The following AP4E1 variants were observed in gnomAD, a reference collection of about 807,000 sequenced individuals.
AP4E1 encodes AP-4 complex subunit epsilon-1.
A neutral mutation model predicts 128.2 loss-of-function variants in AP4E1; 56 were observed. The observed-to-expected ratio is 0.44, with a 90% confidence interval of 0.35 to 0.55. AP4E1 has a LOEUF of 0.55. Ranked by LOEUF, AP4E1 falls within the 20% of genes least tolerant of loss-of-function variation. The pLI, the probability that AP4E1 is intolerant of heterozygous loss-of-function variation, is 0.00. For missense variants in AP4E1, 1,324 were observed against 1,307.7 expected, an observed-to-expected ratio of 1.01 and a Z score of -0.19; for synonymous variants, 484 against 473.1, an observed-to-expected ratio of 1.02 and a Z score of -0.30.
chr15:50,997,464 G>T lies in AP4E1; in HGVS notation c.2485G>T (p.Asp829Tyr), dbSNP rs201839139. The T allele has an allele frequency of 1.2e-6, 2 of 1,613,962 alleles. No homozygotes were observed. Among genetic ancestry groups the T allele is most frequent in the African/African-American group, 1.3e-5 (1 of 75,034 alleles). Residue 829 changes from aspartate (D) to tyrosine (Y), a missense_variant, in exon 18 of 21, where the codon GAT becomes TAT. Physicochemically the swap from Asp to Tyr is radical, Grantham distance 160. Coordinates refer to ENST00000261842, the MANE Select transcript of AP4E1 (RefSeq NM_007347.5). Reference protein sequence around the residue: ...SSLSNVAYEDDYYSNTLHDTG... With the variant: ...SSLSNVAYEDYYYSNTLHDTG... ...TTTGTCAAATGTGGCATATGAAGAT[G>T]ATTATTATTCGAATACTTTGCACGA...
At chr15:50,969,005 C>CT (rs1415913677) in intron 15 of AP4E1, among the ~76,000 whole-genome samples, 7 of 148,096 alleles carry the variant, frequency 4.7e-5, no homozygotes, top group South Asian at 2.1e-4. Context: ...TTTTCTTCTT[C>CT]TTTTTTTTTA....
intron 4 of AP4E1, among the ~76,000 whole-genome samples, chr15:50,924,595 A>G (rs1436457806): frequency 6.6e-6 from 1 of 152,160 alleles, no homozygotes; most frequent in Non-Finnish European, 1.5e-5. Flanking sequence ...GTCATATACT[A>G]TATTAAGGTT....
chr15:50,939,550 A>G (rs753285459), intron 8 of AP4E1, among the ~76,000 whole-genome samples: 8 of 152,226 alleles, frequency 5.3e-5, no homozygotes, highest in Admixed American at 6.5e-5. Context: ...GAATAAAATG[A>G]CTTAGCTCTG....
chr15:50,963,043 C>T (rs2064337941), intron 14 of AP4E1, among the ~76,000 whole-genome samples: 1 of 151,798 alleles, frequency 6.6e-6, no homozygotes, highest in Non-Finnish European at 1.5e-5. Context: ...TCAAAACCAC[C>T]ATGAGATATT....
chr15:50,916,000 T>C (rs2141132372), intron 3 of AP4E1: 2 of 175,520 alleles, frequency 1.1e-5, no homozygotes, highest in Middle Eastern at 5.8e-3. Flanking sequence ...GGATCTCTGC[T>C]CACTGCAACC....
At chr15:50,909,080 T>A in intron 1 of AP4E1, 152 bp downstream of exon 1, 1 of 1,312,130 alleles carries the variant, frequency 7.6e-7, no homozygotes. Flanking sequence ...TTCGTCTGCC[T>A]GGAAGCTTCA....
At chr15:50,981,502 C>T (rs1198809770) in intron 15 of AP4E1, among the ~76,000 whole-genome samples, 1 of 152,190 alleles carries the variant, frequency 6.6e-6, no homozygotes, top group African/African-American at 2.4e-5. Context: ...TGCTTTTAGT[C>T]TCACCCATAT....
Position 50,958,773 on chromosome 15 carries a change from CAGG to C in AP4E1, c.1833_1835del (p.Arg611del), listed in dbSNP as rs1222224086. 1.9e-6 allele frequency: 3 copies of C among 1,613,996 alleles called. No individual in the cohort carries two copies. Among genetic ancestry groups the C allele is most frequent in the African/African-American group, 2.7e-5 (2 of 74,910 alleles). ...TTATGAAGAGCTTGCTTCCAGTTGA[CAGG>C]AGTTGTGAAGACTTGGTGGTAAGAC... On this transcript the variant is annotated inframe_deletion, in exon 14 of 21. Coordinates refer to ENST00000261842, the MANE Select transcript of AP4E1 (RefSeq NM_007347.5).
At chr15:50,977,935 C>T (rs1374489416) in intron 15 of AP4E1, among the ~76,000 whole-genome samples, 1 of 152,082 alleles carries the variant, frequency 6.6e-6, no homozygotes, top group Non-Finnish European at 1.5e-5. Context: ...TCTCAAATTC[C>T]TGACCTCAAG....
chr15:50,986,689 G>A (rs1356707121), intron 16 of AP4E1, among the ~76,000 whole-genome samples: 4 of 152,178 alleles, frequency 2.6e-5, no homozygotes, highest in Admixed American at 6.5e-5. Context: ...TCTTTTTGAT[G>A]TGCTGCTGGA....
chr15:50,987,812 G>T (rs1408569246), intron 16 of AP4E1, among the ~76,000 whole-genome samples: 1 of 152,170 alleles, frequency 6.6e-6, no homozygotes, highest in Non-Finnish European at 1.5e-5. Flanking sequence ...AAGCTAAATT[G>T]TATGGGCTGT....
Position 50,955,297 on chromosome 15 carries a change from G to A in AP4E1, c.1549-3195G>A, listed in dbSNP as rs566997574. ...GGTTGAACTAGTTTACAGTCCCACCGACAGTGTGAAAGTGTTCCTGTTTCT... is the reference window on the plus strand; with the variant it reads ...GGTTGAACTAGTTTACAGTCCCACCAACAGTGTGAAAGTGTTCCTGTTTCT... On this transcript the variant is annotated intron_variant, in intron 13 of 20. Coordinates refer to ENST00000261842, the MANE Select transcript of AP4E1 (RefSeq NM_007347.5). Among the ~76,000 whole-genome samples the A allele has an allele frequency of 9.9e-5, 15 of 152,250 alleles. No homozygotes were observed. In the East Asian group the frequency reaches 2.1e-3, roughly 22 times the overall value.
At chr15:50,977,628 AAAT>A (rs1187865563) in intron 15 of AP4E1, among the ~76,000 whole-genome samples, 2 of 152,080 alleles carry the variant, frequency 1.3e-5, no homozygotes, top group African/African-American at 4.8e-5. Context: ...CTATAAGACA[AAAT>A]AAAGAGTAGG....
intron 13 of AP4E1, among the ~76,000 whole-genome samples, chr15:50,953,125 A>G (rs1395859620): frequency 6.6e-6 from 1 of 152,186 alleles, no homozygotes; most frequent in African/African-American, 2.4e-5. Context: ...TTTGTAATTT[A>G]TAACTAATTT....
chr15:50,919,320 G>T (rs2063665894), intron 3 of AP4E1, among the ~76,000 whole-genome samples: 2 of 151,784 alleles, frequency 1.3e-5, no homozygotes, highest in African/African-American at 4.8e-5. Flanking sequence ...ATCACTTGAG[G>T]TCAGGAGTAT....
At chr15:50,979,827 A>G (rs897173908) in intron 15 of AP4E1, among the ~76,000 whole-genome samples, 14 of 152,216 alleles carry the variant, frequency 9.2e-5, no homozygotes, top group African/African-American at 3.1e-4. Context: ...TCTGTTCATT[A>G]TAAATTACCT....
At chr15:50,909,672 A>G (rs1791859465) in intron 1 of AP4E1, among the ~76,000 whole-genome samples, 1 of 149,880 alleles carries the variant, frequency 6.7e-6, no homozygotes, top group Admixed American at 6.7e-5. Context: ...CTGGAGCCTT[A>G]AGGTTTTAAA....
intron 7 of AP4E1, among the ~76,000 whole-genome samples, chr15:50,933,652 G>A (rs145359573): frequency 1.1e-3 from 163 of 152,174 alleles, no homozygotes; most frequent in East Asian, 9.3e-3. Context: ...ACAATAAAAC[G>A]AAGGATTTTA....
intron 2 of AP4E1, among the ~76,000 whole-genome samples, chr15:50,914,215 C>T (rs1238509081): frequency 6.6e-6 from 1 of 152,138 alleles, no homozygotes; most frequent in African/African-American, 2.4e-5. Flanking sequence ...TAAGATTTTC[C>T]TATGGTTTCT....
Sources: allele counts gnomAD v4.1 joint callset (sites outside exome capture counted in the v4.1 genomes callset), GRCh38; gene constraint gnomAD v4.1.1; transcripts MANE v1.5; gene names NCBI Gene and HGNC (gene_info 2026-07-23, HGNC 2026-07-21).